The following DTNA variants were observed in gnomAD, a reference collection of about 807,000 sequenced individuals.
DTNA encodes the protein dystrophin-related protein 3.
DTNA carries 43 observed loss-of-function variants against 100.7 expected under a neutral mutation model. The ratio of observed to expected loss-of-function variants is 0.43; its 90% CI spans 0.33 to 0.55. The LOEUF is 0.55. Among genes scored for constraint, DTNA ranks in the 20% least tolerant of loss-of-function variants. The pLI, the probability that DTNA is intolerant of heterozygous loss-of-function variation, is 0.04. For synonymous variants in DTNA, 349 were observed against 347.9 expected (o/e 1.00, Z -0.04); for missense variants, 798 against 953.9 (o/e 0.84, Z 2.15).
intron 1 of DTNA, among the ~76,000 whole-genome samples, chr18:34,628,494 G>C (rs2057645686): frequency 6.6e-6 from 1 of 152,152 alleles, no homozygotes; most frequent in African/African-American, 2.4e-5. Context: ...CCCTTGGCCT[G>C]TACTTACACA....
chr18:34,862,679 A>C (rs988369512), intron 16 of DTNA, among the ~76,000 whole-genome samples: 1 of 152,168 alleles, frequency 6.6e-6, no homozygotes, highest in African/African-American at 2.4e-5. Context: ...ACATGCCTGT[A>C]GTATCAGCTA....
rs138013130 is a variant in DTNA, at chr18:34,583,461, A to T, written c.-2+89947A>T. Among the ~76,000 whole-genome samples, 10 of 152,290 alleles carry T rather than the reference A, an allele frequency of 6.6e-5. No homozygotes were observed. In the East Asian group the frequency reaches 1.9e-3, roughly 29 times the overall value. On this transcript the variant is annotated intron_variant, in intron 1 of 19. Coordinates refer to the DTNA transcript ENST00000283365. ...AATTACAATTAAAATGGTGGATGGG[A>T]TACTTGCTTAAGTCTACCCTCTCCC...
intron 1 of DTNA, among the ~76,000 whole-genome samples, chr18:34,628,414 C>T (rs545276365): frequency 6.6e-6 from 1 of 152,290 alleles, no homozygotes; most frequent in Non-Finnish European, 1.5e-5. Flanking sequence ...GATCTTTAGA[C>T]ATGACATGCA....
intron 2 of DTNA, among the ~76,000 whole-genome samples, chr18:34,760,726 C>G (rs1225625776): frequency 1.3e-5 from 2 of 152,176 alleles, no homozygotes; most frequent in African/African-American, 2.4e-5. Context: ...CTCCTGTTCC[C>G]AAGTTTGTGC....
chr18:34,666,898 G>C (rs946288364), intron 1 of DTNA, among the ~76,000 whole-genome samples: 8 of 152,130 alleles, frequency 5.3e-5, no homozygotes, highest in African/African-American at 1.9e-4. Flanking sequence ...TTGACTTGGC[G>C]ATGCGGGCTC....
chr18:34,611,477 TAAGC>T (rs763139091), intron 1 of DTNA, among the ~76,000 whole-genome samples: 9 of 152,292 alleles, frequency 5.9e-5, no homozygotes, highest in African/African-American at 1.2e-4. Context: ...GTGTTACTCT[TAAGC>T]AAGGAACAAG....
At chr18:34,850,646 A>C (rs1025404421) in intron 14 of DTNA, among the ~76,000 whole-genome samples, 3 of 152,224 alleles carry the variant, frequency 2.0e-5, no homozygotes, top group African/African-American at 7.2e-5. Flanking sequence ...CGGTAGAAAG[A>C]TGAGTTGTGA....
rs777118812 is a variant in DTNA, at chr18:34,818,240, C to A, written c.786C>A (p.His262Gln). 1.2e-6 allele frequency: 2 copies of A among 1,614,088 alleles called. No homozygotes were observed. Among genetic ancestry groups the A allele is most frequent in the Non-Finnish European group, 1.7e-6 (2 of 1,179,960 alleles). ...MGFRYRCQQCHNYQLCQDCFW... is the reference protein window; with the variant it reads ...MGFRYRCQQCQNYQLCQDCFW... ...TTCGCTACCGATGCCAACAGTGTCA[C>A]AATTACCAGCTCTGTCAGGACTGCT... Residue 262 changes from histidine (H) to glutamine (Q), a missense_variant, in exon 8 of 23, where the codon CAC becomes CAA. His to Gln is a conservative substitution (Grantham distance 24). This residue lies in a region of DTNA where 81 missense variants were observed against 153.5 expected (regional missense o/e 0.53). Coordinates refer to ENST00000444659, the MANE Select transcript of DTNA (RefSeq NM_001386795.1).
At chr18:34,661,607 A>T (rs184974345) in intron 1 of DTNA, among the ~76,000 whole-genome samples, 1 of 152,256 alleles carries the variant, frequency 6.6e-6, no homozygotes, top group East Asian at 1.9e-4. Flanking sequence ...ACAAAGGATG[A>T]GTTTCGCATA....
intron 11 of DTNA, among the ~76,000 whole-genome samples, chr18:34,831,051 A>C (rs1227923180): frequency 2.6e-5 from 4 of 152,202 alleles, no homozygotes; most frequent in Non-Finnish European, 4.4e-5. Flanking sequence ...TGTGCCTCTT[A>C]GGATCTGCTA....
chr18:34,526,027 G>A (rs186625434), intron 1 of DTNA, among the ~76,000 whole-genome samples: 3 of 152,244 alleles, frequency 2.0e-5, no homozygotes, highest in East Asian at 1.9e-4. Flanking sequence ...CACTCTTTCG[G>A]AACACGAAGC....
chr18:34,656,090 A>G (rs1051796915), intron 1 of DTNA, among the ~76,000 whole-genome samples: 2 of 152,214 alleles, frequency 1.3e-5, no homozygotes, highest in Non-Finnish European at 2.9e-5. Flanking sequence ...TATGTTCTTG[A>G]TAGTAATTCT....
intron 1 of DTNA, among the ~76,000 whole-genome samples, chr18:34,703,732 A>T (rs1281161208): frequency 6.6e-6 from 1 of 152,218 alleles, no homozygotes; most frequent in Non-Finnish European, 1.5e-5. Flanking sequence ...GGGTCAATTT[A>T]TATGAAATTT....
At chr18:34,804,855 G>T (rs927018244) in intron 4 of DTNA, among the ~76,000 whole-genome samples, 1 of 152,122 alleles carries the variant, frequency 6.6e-6, no homozygotes, top group Admixed American at 6.5e-5. Flanking sequence ...ATTCTGGCTG[G>T]TTGTATTTGA....
chr18:34,858,905 C>G (rs765271801), intron 16 of DTNA, among the ~76,000 whole-genome samples: 28 of 152,222 alleles, frequency 1.8e-4, no homozygotes, highest in Non-Finnish European at 3.1e-4. Context: ...GCCACCACAC[C>G]CGGCCAGCAG....
chr18:34,665,863 A>G (rs1361464284), intron 1 of DTNA, among the ~76,000 whole-genome samples: 1 of 152,114 alleles, frequency 6.6e-6, no homozygotes, highest in Non-Finnish European at 1.5e-5. Context: ...TGCTATTGTG[A>G]GTAGTGCTGC....
chr18:34,838,718 G>T (rs201330142), intron 12 of DTNA, 27 bp from the exon 13 acceptor site: 1 of 1,596,116 alleles, frequency 6.3e-7, no homozygotes, highest in Non-Finnish European at 8.6e-7. Context: ...TTAACAACAC[G>T]CTTTCTTTCC....
intron 2 of DTNA, among the ~76,000 whole-genome samples, chr18:34,757,778 T>C (rs550160177): frequency 5.7e-4 from 87 of 152,326 alleles, no homozygotes; most frequent in Non-Finnish European, 1.2e-3. Context: ...ATTATAACTT[T>C]GTGTTTTCAT....
At chr18:34,673,428 C>T (rs1392240038) in intron 1 of DTNA, among the ~76,000 whole-genome samples, 6 of 151,966 alleles carry the variant, frequency 3.9e-5, no homozygotes, top group Non-Finnish European at 2.9e-5. Flanking sequence ...GCATGAGCCA[C>T]CTTACCTTTT....
Sources: gnomAD v4.1 joint callset for allele counts (sites outside exome capture counted in the v4.1 genomes callset) on GRCh38, gnomAD v4.1.1 for gene constraint, gnomAD v4.1.1 regional missense constraint, MANE v1.5 for transcripts, NCBI Gene and HGNC (gene_info 2026-07-23, HGNC 2026-07-21) for gene names.